Variants in CNTNAP2 observed in about 807,000 individuals in gnomAD.
The protein encoded by CNTNAP2 is contactin-associated protein-like 2.
CNTNAP2 carries 98 observed loss-of-function variants against 155.2 expected under a neutral mutation model. That is an observed-to-expected ratio of 0.63 (90% CI 0.54 to 0.75). The LOEUF (loss-of-function observed/expected upper bound fraction) is 0.75. Among genes scored for constraint, CNTNAP2 ranks in the 30% least tolerant of loss-of-function variants. The pLI, the probability that CNTNAP2 is intolerant of heterozygous loss-of-function variation, is 0.00. For missense variants in CNTNAP2, 1,727 were observed against 1,688.1 expected (o/e 1.02, Z -0.40); for synonymous variants, 651 against 631.2 (o/e 1.03, Z -0.47).
chr7:147,514,639 A>AG (rs369712275), intron 11 of CNTNAP2, among the ~76,000 whole-genome samples: 7 of 149,716 alleles, frequency 4.7e-5, no homozygotes, highest in Admixed American at 6.6e-5. Context: ...AAAAATAATA[A>AG]GGTGTTTTGC....
intron 1 of CNTNAP2, among the ~76,000 whole-genome samples, chr7:146,318,528 A>G (rs530199243): frequency 1.3e-5 from 2 of 152,176 alleles, no homozygotes; most frequent in Non-Finnish European, 2.9e-5. Flanking sequence ...ATAAAAAGAG[A>G]TAGTCTTTAA....
intron 6 of CNTNAP2, 54 bp from the exon 7 acceptor site, chr7:147,128,639 C>G: frequency 6.2e-7 from 1 of 1,600,688 alleles, no homozygotes; most frequent in Non-Finnish European, 8.6e-7. Flanking sequence ...ATAGTTTTGT[C>G]TAGTTCATCA....
At chr7:146,615,054 T>C (rs565378470) in intron 1 of CNTNAP2, among the ~76,000 whole-genome samples, 2 of 152,140 alleles carry the variant, frequency 1.3e-5, no homozygotes, top group Non-Finnish European at 2.9e-5. Flanking sequence ...TCTTGGTGAT[T>C]TGGGGGAAGG....
At chr7:147,196,230 T>C (rs1164554991) in intron 8 of CNTNAP2, among the ~76,000 whole-genome samples, 1 of 152,184 alleles carries the variant, frequency 6.6e-6, no homozygotes, top group Admixed American at 6.5e-5. Context: ...TGTGGTGCTT[T>C]GTTATGGCAG....
chr7:147,273,869 A>G (rs1187065303), intron 8 of CNTNAP2, among the ~76,000 whole-genome samples: 1 of 147,774 alleles, frequency 6.8e-6, no homozygotes, highest in Non-Finnish European at 1.5e-5. Flanking sequence ...TATATGTAAT[A>G]TATGTATATT....
At chr7:146,953,768 C>T (rs1474089555) in intron 3 of CNTNAP2, among the ~76,000 whole-genome samples, 2 of 151,866 alleles carry the variant, frequency 1.3e-5, no homozygotes, top group East Asian at 1.9e-4. Flanking sequence ...ACTGATTGAA[C>T]AATTCCAGCT....
At chr7:147,620,052 T>C (rs1186525880) in intron 12 of CNTNAP2, among the ~76,000 whole-genome samples, 1 of 152,224 alleles carries the variant, frequency 6.6e-6, no homozygotes, top group Non-Finnish European at 1.5e-5. Context: ...ATCCATAGGA[T>C]TCTTTCAGAT....
intron 8 of CNTNAP2, among the ~76,000 whole-genome samples, chr7:147,155,092 T>A (rs1801897119): frequency 6.6e-6 from 1 of 152,142 alleles, no homozygotes; most frequent in African/African-American, 2.4e-5. Context: ...AAAGTCATGT[T>A]GAAATCCTAA....
At chr7:146,515,201 C>G (rs937422506) in intron 1 of CNTNAP2, among the ~76,000 whole-genome samples, 1 of 152,048 alleles carries the variant, frequency 6.6e-6, no homozygotes, top group Non-Finnish European at 1.5e-5. Context: ...CTGTACTCTA[C>G]TTTCTTTTTT....
chr7:147,693,059 A>G lies in CNTNAP2; in HGVS notation c.2098+53753A>G, dbSNP rs1796111616. ...GTCTAGATTATTTATTTAGTTAGTT[A>G]GTTATTTTGCTTGTGGATATCCAGT... On this transcript the variant is annotated intron_variant, in intron 13 of 23. Coordinates refer to ENST00000361727, the MANE Select transcript of CNTNAP2 (RefSeq NM_014141.6). 3.3e-5 allele frequency among the ~76,000 whole-genome samples: 5 copies of G among 151,928 alleles called. No individual in the cohort carries two copies. In the South Asian group the frequency reaches 8.3e-4, roughly 25 times the overall value.
intron 22 of CNTNAP2, among the ~76,000 whole-genome samples, chr7:148,384,540 A>G (rs1177830290): frequency 6.6e-6 from 1 of 152,022 alleles, no homozygotes; most frequent in Non-Finnish European, 1.5e-5. Context: ...CTTAGGTCGT[A>G]CTCCTAGCTC....
chr7:146,693,679 A>G (rs2129172032), intron 1 of CNTNAP2, among the ~76,000 whole-genome samples: 1 of 152,218 alleles, frequency 6.6e-6, no homozygotes, highest in East Asian at 1.9e-4. Flanking sequence ...GTGCCAAATG[A>G]AATACTGAGC....
chr7:146,725,790 A>C (rs1037667509), intron 1 of CNTNAP2, among the ~76,000 whole-genome samples: 6 of 151,984 alleles, frequency 3.9e-5, no homozygotes, highest in African/African-American at 1.5e-4. Context: ...TTCCCCTGGG[A>C]TTGCACCCCC....
At chr7:148,089,594 T>A (rs1803799058) in intron 15 of CNTNAP2, among the ~76,000 whole-genome samples, 1 of 151,704 alleles carries the variant, frequency 6.6e-6, no homozygotes, top group Non-Finnish European at 1.5e-5. Context: ...ACCAAGGAGG[T>A]AAAAGTTTAT....
At chr7:146,841,369 G>T (rs925559442) in intron 3 of CNTNAP2, among the ~76,000 whole-genome samples, 4 of 147,252 alleles carry the variant, frequency 2.7e-5, no homozygotes, top group African/African-American at 9.9e-5. Context: ...GAGTAAGGGG[G>T]TTGGGTGGGG....
chr7:147,499,975 T>C (rs1044546639), intron 11 of CNTNAP2, among the ~76,000 whole-genome samples: 1 of 152,192 alleles, frequency 6.6e-6, no homozygotes, highest in African/African-American at 2.4e-5. Context: ...AATGTATCTA[T>C]TTTTAAAGTA....
At chr7:146,248,395 C>A (rs1037881326) in intron 1 of CNTNAP2, among the ~76,000 whole-genome samples, 7 of 152,126 alleles carry the variant, frequency 4.6e-5, no homozygotes, top group Non-Finnish European at 1.0e-4. Flanking sequence ...GGCATCCCTG[C>A]GTGGTCTGAC....
intron 22 of CNTNAP2, among the ~76,000 whole-genome samples, chr7:148,386,616 G>A (rs958863436): frequency 3.9e-5 from 6 of 152,168 alleles, no homozygotes; most frequent in African/African-American, 1.4e-4. Flanking sequence ...GAGACAATGT[G>A]GGTTGAGGGG....
chr7:147,551,182 A>G (rs879801739), intron 11 of CNTNAP2, among the ~76,000 whole-genome samples: 15 of 152,204 alleles, frequency 9.9e-5, no homozygotes, highest in African/African-American at 3.6e-4. Flanking sequence ...TATCATTATC[A>G]GGTTCAACTA....
Sources: allele counts gnomAD v4.1 joint callset (sites outside exome capture counted in the v4.1 genomes callset), GRCh38; gene constraint gnomAD v4.1.1; transcripts MANE v1.5; gene names NCBI Gene and HGNC (gene_info 2026-07-23, HGNC 2026-07-21).